Variants in POLE observed in about 807,000 individuals in gnomAD.
POLE encodes the protein DNA polymerase epsilon, catalytic subunit.
Under a neutral mutation model 279.2 loss-of-function variants are expected in POLE, and 188 were observed. That is an observed-to-expected ratio of 0.67 (90% CI 0.60 to 0.76). The LOEUF is 0.76. Ranked by LOEUF, POLE falls within the 30% of genes least tolerant of loss-of-function variation. POLE has a pLI of 0.00. For missense variants in POLE, 2,703 were observed against 3,016.7 expected (o/e 0.90, Z 2.44); for synonymous variants, 1,214 against 1,172.5 (o/e 1.04, Z -0.72).
At position 132,659,441 on chromosome 12, in the gene POLE, C is replaced by T. The variant is rs1384907122; in HGVS notation, c.3129G>A (p.Leu1043=). ...TAGACTTCTGCTCCCCGTAATCTTC[C>T]AGCTTCCGAGACATGGAACGGTTCT... ...ISENRSMSRK[L]EDYGEQKSTS... The change falls in exon 26 of 49, where the codon CTG becomes CTA. Residue 1043 remains leucine (L), a synonymous_variant. Transcript: ENST00000320574. 6.2e-7 allele frequency: 1 copy of T among 1,614,226 alleles called. No homozygotes were observed.
In POLE at chr12:132,681,269, C is replaced by T. The variant is rs773204331; in HGVS notation, c.73G>A (p.Ala25Thr). The change falls in exon 2 of 49, where the codon GCC (alanine) becomes ACC (threonine). Residue 25 changes from alanine to threonine, a missense_variant. Transcript: ENST00000320574. ...ADGEASRDDG[A>T]TSSVSALKRL... ...TTGAGTGCCGAAACTGAGGAAGTGG[C>T]GCCATCATCCCTGAGTGAAAGAAGG... 2.6e-5 allele frequency: 42 copies of T among 1,614,014 alleles called. No individual in the cohort carries two copies. Among genetic ancestry groups the T allele is most frequent in the South Asian group, 4.4e-5 (4 of 91,086 alleles).
chr12:132,640,690 T>G (rs1201157623), intron 39 of POLE, among the ~76,000 whole-genome samples: 3 of 152,248 alleles, frequency 2.0e-5, no homozygotes, highest in Non-Finnish European at 4.4e-5. Context: ...AACAGAATGT[T>G]ACAAGAGAAC....
intron 46 of POLE, 111 bp from the exon 47 acceptor site, chr12:132,625,881 G>C (rs1243584800): frequency 2.8e-6 from 4 of 1,429,124 alleles, no homozygotes; most frequent in African/African-American, 2.8e-5. Context: ...TGACGGGCGA[G>C]TCTCCTGAGT....
In POLE at chr12:132,659,293, A is replaced by C. The variant is rs2138673866; in HGVS notation, c.3275+2T>G. 1 of 1,613,048 alleles carries C rather than the reference A, an allele frequency of 6.2e-7. No homozygotes were observed. Among genetic ancestry groups the C allele is most frequent in the Non-Finnish European group, 8.5e-7 (1 of 1,179,664 alleles). ...CCTCTCCGTGATGGGGGGAGCCCTC[A>C]CCTCTCCGTGACAGGGGAGCCCTCG... On this transcript the variant is annotated splice_donor_variant, in intron 26 of 48. Coordinates refer to ENST00000320574, the MANE Select transcript of POLE (RefSeq NM_006231.4). LOFTEE classifies it high-confidence loss of function.
intron 45 of POLE, among the ~76,000 whole-genome samples, chr12:132,630,313 G>C (rs762675235): frequency 5.3e-5 from 8 of 152,142 alleles, no homozygotes; most frequent in Non-Finnish European, 8.8e-5. Flanking sequence ...AATAAGACAG[G>C]ATATGCCTGC....
In POLE at chr12:132,643,477, C is replaced by T. The variant is rs747449574; in HGVS notation, c.4374G>A (p.Trp1458Ter). Residue 1458 changes from tryptophan to a stop codon, truncating the protein, a stop_gained, in exon 34 of 49, where the codon TGG becomes TGA. Coordinates refer to ENST00000320574, the MANE Select transcript of POLE (RefSeq NM_006231.4). LOFTEE classifies it high-confidence loss of function. ...NKQLVRHLSG[W>*]EAETFALEHL... Reference sequence around the variant, plus strand: ...GCTCAAGAGCAAAGGTCTCTGCTTCCCAGCCTGAAAGGTGCCTCACCAGCT... The same window carrying T: ...GCTCAAGAGCAAAGGTCTCTGCTTCTCAGCCTGAAAGGTGCCTCACCAGCT... 3.1e-6 allele frequency: 5 copies of T among 1,614,214 alleles called. No homozygotes were observed. The Admixed American group carries it at 6.7e-5, about 22-fold the overall frequency.
In POLE at chr12:132,664,063, C is replaced by T. The variant is rs748153279; in HGVS notation, c.2647G>A (p.Val883Met). 2.5e-6 allele frequency: 4 copies of T among 1,614,242 alleles called. No individual in the cohort carries two copies. The highest frequency in any genetic ancestry group is 2.5e-6 in the Non-Finnish European group (3 of 1,180,042). Reference protein sequence around the residue: ...PENFVFKTTNVKKPKVTISYP... With the variant: ...PENFVFKTTNMKKPKVTISYP... ...GAGATGGTCACTTTGGGCTTCTTCACATTGGTCGTCTTGAAGACAAAATTT... is the reference window on the plus strand; with the variant it reads ...GAGATGGTCACTTTGGGCTTCTTCATATTGGTCGTCTTGAAGACAAAATTT... Residue 883 changes from valine to methionine, a missense_variant, in exon 23 of 49, where the codon GTG becomes ATG. By Grantham distance (21) the Val-to-Met change is conservative (BLOSUM62 1). Transcript: ENST00000320574. This position sits in a 1 kb window ranked among gnomAD's most constrained non-coding sequence, Gnocchi z 5.3.
Position 132,639,395 on chromosome 12 carries a change from A to T in POLE, c.5379-97T>A. The T allele has an allele frequency of 3.4e-6, 4 of 1,181,828 alleles. No individual in the cohort carries two copies. The highest frequency in any genetic ancestry group is 3.6e-6 in the Non-Finnish European group (3 of 829,076). The allele number at this position is 1,181,828 out of a possible 1,614,324, so 73.2% of individuals were successfully genotyped here. ...TGAAATGGGCACAGGTTTTCCCTAC[A>T]CGGCTGGGTCCAAATCCGTCACTGT... On this transcript the variant is annotated intron_variant, in intron 39 of 48. Transcript: ENST00000320574. This position sits in a 1 kb window ranked among gnomAD's most constrained non-coding sequence, Gnocchi z 4.7.
intron 20 of POLE, among the ~76,000 whole-genome samples, chr12:132,667,290 T>G (rs1010456967): frequency 6.6e-6 from 1 of 152,152 alleles, no homozygotes; most frequent in Admixed American, 6.5e-5. Flanking sequence ...GAAATCATCC[T>G]TTAGGGTCCT....
chr12:132,681,843 G>A (rs1458209162), intron 1 of POLE, among the ~76,000 whole-genome samples: 2 of 152,130 alleles, frequency 1.3e-5, no homozygotes, highest in Non-Finnish European at 2.9e-5. Context: ...AGCCAGACGC[G>A]GTGGCTCATG....
At chr12:132,625,522 G>A in intron 47 of POLE, 123 bp downstream of exon 47, 1 of 1,254,710 alleles carries the variant, frequency 8.0e-7, no homozygotes, top group Non-Finnish European at 1.1e-6. Flanking sequence ...TGGTCTGCAG[G>A]GCAGGCCCCT....
At chr12:132,662,567 G>T (rs1370387114) in intron 23 of POLE, among the ~76,000 whole-genome samples, 2 of 152,174 alleles carry the variant, frequency 1.3e-5, no homozygotes, top group African/African-American at 4.8e-5. Context: ...CCTCCACTAT[G>T]AGAGACTGGA....
intron 29 of POLE, among the ~76,000 whole-genome samples, chr12:132,656,930 A>G (rs1032264049): frequency 1.8e-4 from 27 of 152,154 alleles, no homozygotes; most frequent in African/African-American, 6.5e-4. Context: ...CCTTGCCCTC[A>G]CCTCAGCCTC....
At chr12:132,685,868 C>T (rs539106379) in intron 1 of POLE, among the ~76,000 whole-genome samples, 1 of 151,628 alleles carries the variant, frequency 6.6e-6, no homozygotes, top group Non-Finnish European at 1.5e-5. Context: ...CGTTCTCACA[C>T]GTTTTTTCTA....
rs2043045687 is a variant in POLE at position 132,676,124 on chromosome 12, G to T, written c.990C>A (p.Gly330=). ...CGGGTTCATTGAAGACACAAAAGGGGCCTTCATATTCTGGCTTGGGGGTGA... is the reference window on the plus strand; with the variant it reads ...CGGGTTCATTGAAGACACAAAAGGGTCCTTCATATTCTGGCTTGGGGGTGA... ...FEFTPKPEYE[G]PFCVFNEPDE... is the part of the protein sequence containing the mutation. Residue 330 remains glycine, a synonymous_variant, in exon 10 of 49, where the codon GGC becomes GGA. Coordinates refer to ENST00000320574, the MANE Select transcript of POLE (RefSeq NM_006231.4). 1 of 1,611,026 alleles carries T rather than the reference G, an allele frequency of 6.2e-7. No homozygotes were observed. The highest frequency in any genetic ancestry group is 8.5e-7 in the Non-Finnish European group (1 of 1,178,652).
In POLE at chr12:132,667,586, T is replaced by C. The variant is rs1480527153; in HGVS notation, c.2236A>G (p.Ile746Val). ...ITKVEERLTT[I>V]CQRENSFYVD... is the part of the protein sequence containing the mutation. ...TAGAAGGAGTTTTCCCGCTGGCAGATGGTGGTGAGACGCTCTTCCACCTTG... is the reference window on the plus strand; with the variant it reads ...TAGAAGGAGTTTTCCCGCTGGCAGACGGTGGTGAGACGCTCTTCCACCTTG... Residue 746 changes from isoleucine (I) to valine (V), a missense_variant, in exon 20 of 49, where the codon ATC (isoleucine) becomes GTC (valine). Ile to Val is a conservative substitution (Grantham distance 29). Around this residue, in one of 5 missense-constraint regions of POLE, gnomAD observed 1,011 missense variants for 1,111.7 expected, o/e 0.91. Transcript: ENST00000320574. The C allele has an allele frequency of 6.2e-7, 1 of 1,614,124 alleles. No homozygotes were observed. The highest frequency in any genetic ancestry group is 8.5e-7 in the Non-Finnish European group (1 of 1,179,994).
rs80290414 is a variant in POLE, at chr12:132,649,725, C to A, written c.3747G>T (p.Val1249=). 2 of 1,614,072 alleles carry A rather than the reference C, an allele frequency of 1.2e-6. No individual in the cohort carries two copies. The highest frequency in any genetic ancestry group is 1.3e-5 in the African/African-American group (1 of 74,922). The change falls in exon 30 of 49, where the codon GTG becomes GTT. Residue 1249 remains valine, a synonymous_variant. Transcript: ENST00000320574. ...GCTGCCCCAAGATTTCCTGCCAGGG[C>A]ACAGTCGGCGTGAGGTCCTGGGACT... ...QEESQDLTPT[V]PWQEILGQPP... is the part of the protein sequence containing the mutation.
rs1279499295 is a variant in POLE at position 132,634,793 on chromosome 12, C to T, written c.5812-415G>A. Reference sequence around the variant, plus strand: ...GCAGCCTGTGTTCGTGCCACGGCACCATCCACGTCTGTGTAGACACCGACA... The same window carrying T: ...GCAGCCTGTGTTCGTGCCACGGCACTATCCACGTCTGTGTAGACACCGACA... On this transcript the variant is annotated intron_variant, in intron 42 of 48. Transcript: ENST00000320574. This position sits in a 1 kb window ranked among gnomAD's most constrained non-coding sequence, Gnocchi z 4.0. 1.3e-5 allele frequency among the ~76,000 whole-genome samples: 2 copies of T among 152,310 alleles called. No individual in the cohort carries two copies. Among genetic ancestry groups the T allele is most frequent in the African/African-American group, 4.8e-5 (2 of 41,550 alleles).
chr12:132,675,034 T>G lies in POLE; in HGVS notation c.1226+364A>C, dbSNP rs1182659470. Among the ~76,000 whole-genome samples the G allele has an allele frequency of 6.6e-6, 1 of 152,186 alleles. No homozygotes were observed. Among genetic ancestry groups the G allele is most frequent in the Non-Finnish European group, 1.5e-5 (1 of 68,038 alleles). ...ACCCTAGCTCATATGGAATCTGTGG[T>G]TGTCCCGTGAGGCTTGTCCTGTGAG... On this transcript the variant is annotated intron_variant, in intron 12 of 48. Transcript: ENST00000320574. The surrounding 1 kb of genome is among the most constrained non-coding windows in gnomAD (Gnocchi z 4.3).
Sources: allele counts gnomAD v4.1 joint callset (sites outside exome capture counted in the v4.1 genomes callset), GRCh38; gene constraint gnomAD v4.1.1; regional missense constraint gnomAD v4.1.1; non-coding constraint Gnocchi (gnomAD v3.1); transcripts MANE v1.5; gene names NCBI Gene and HGNC (gene_info 2026-07-23, HGNC 2026-07-21).